The following MALRD1 variants were observed in gnomAD, a reference collection of about 807,000 sequenced individuals.
MALRD1 encodes the protein MAM and LDL receptor class A domain containing 1.
In MALRD1, 247 loss-of-function variants were observed where a neutral mutation model predicts 242.1. The observed-to-expected ratio is 1.02, with a 90% confidence interval of 0.92 to 1.13. The LOEUF is 1.13. Ranked by LOEUF, MALRD1 falls within the 50% of genes most tolerant of loss-of-function variation. The pLI is 0.00. For synonymous variants in MALRD1, 995 were observed against 866.6 expected (o/e 1.15, Z -2.60); for missense variants, 2,989 against 2,533.1 (o/e 1.18, Z -3.86).
At chr10:19,466,934 A>G (rs867324508) in intron 29 of MALRD1, among the ~76,000 whole-genome samples, 2 of 152,134 alleles carry the variant, frequency 1.3e-5, no homozygotes, top group Admixed American at 1.3e-4. Flanking sequence ...CTTTTGAAGC[A>G]TTACCAATTT....
intron 38 of MALRD1, among the ~76,000 whole-genome samples, chr10:19,713,025 T>C (rs2131878597): frequency 7.6e-6 from 1 of 132,368 alleles, no homozygotes; most frequent in African/African-American, 3.0e-5. Context: ...TAAAAATAAT[T>C]CTTAGAAACC....
At position 19,175,251 on chromosome 10, in the gene MALRD1, C is replaced by A. The variant is rs1311630011; in HGVS notation, c.1874C>A (p.Ala625Asp). The A allele has an allele frequency of 3.7e-5, 46 of 1,230,216 alleles. 1 individual carries two copies. Among genetic ancestry groups the A allele is most frequent in the Non-Finnish European group, 4.5e-5 (44 of 987,144 alleles). 76.2% of individuals were successfully genotyped at this position (1,230,216 alleles called of 1,614,324 possible). A position where few individuals can be genotyped will look rare whatever the true frequency, so the allele number is the denominator to read the frequency against. ...GTTTTGTCGTCAAATGCTACCGTTG[C>A]TCTAGATGACATCAGTGTGTCCCAG... ...ATVLSSNATVALDDISVSQEC... is the reference protein window; with the variant it reads ...ATVLSSNATVDLDDISVSQEC... The change falls in exon 14 of 40, where the codon GCT (alanine) becomes GAT (aspartate). Residue 625 changes from alanine to aspartate, a missense_variant. Ala to Asp is a moderately radical substitution (Grantham distance 126, BLOSUM62 -2). Transcript: ENST00000454679.
chr10:19,571,733 C>T (rs1460227719), intron 33 of MALRD1, among the ~76,000 whole-genome samples: 3 of 151,928 alleles, frequency 2.0e-5, no homozygotes, highest in Non-Finnish European at 4.4e-5. Flanking sequence ...ATACTTCAGC[C>T]CTTAGGAAAT....
At chr10:19,533,601 AG>A (rs1265234332) in intron 32 of MALRD1, among the ~76,000 whole-genome samples, 1 of 152,192 alleles carries the variant, frequency 6.6e-6, no homozygotes, top group Non-Finnish European at 1.5e-5. Flanking sequence ...GAAGCATTCA[AG>A]TATGGCGGAA....
chr10:19,595,098 A>G, intron 33 of MALRD1, 96 bp from the exon 34 acceptor site: 3 of 1,245,748 alleles, frequency 2.4e-6, no homozygotes, highest in Non-Finnish European at 3.3e-6. Flanking sequence ...AATAAAATTC[A>G]TTTTATACAA....
intron 31 of MALRD1, among the ~76,000 whole-genome samples, chr10:19,530,421 A>AAATATATAATATATAATATAT (rs1285830239): frequency 1.0e-4 from 2 of 19,512 alleles, no homozygotes; most frequent in African/African-American, 3.0e-4. Context: ...ATATAATAAT[A>AAATATATAATATATAATATAT]AATATATAAT....
At chr10:19,148,229 T>C (rs557066320) in intron 11 of MALRD1, among the ~76,000 whole-genome samples, 1 of 151,802 alleles carries the variant, frequency 6.6e-6, no homozygotes. Flanking sequence ...AGGGAAGCTG[T>C]GCGGGCAGTG....
chr10:19,526,946 G>A (rs566569871), intron 31 of MALRD1, among the ~76,000 whole-genome samples: 113 of 152,250 alleles, frequency 7.4e-4, no homozygotes, highest in African/African-American at 2.6e-3. Context: ...AGGAAAGAAG[G>A]TGATGTTCAG....
chr10:19,150,016 TC>T (rs1310059702), intron 11 of MALRD1, among the ~76,000 whole-genome samples: 1 of 152,186 alleles, frequency 6.6e-6, no homozygotes, highest in Admixed American at 6.5e-5. Context: ...CAGCCACAAT[TC>T]CTTCCTTTTT....
intron 9 of MALRD1, 48 bp from the exon 10 acceptor site, chr10:19,136,526 T>G: frequency 9.1e-7 from 1 of 1,093,328 alleles, no homozygotes. Flanking sequence ...GTTTTTTGTC[T>G]TATTAAGGAG....
chr10:19,650,178 C>T (rs918622107), intron 36 of MALRD1, among the ~76,000 whole-genome samples: 2 of 152,056 alleles, frequency 1.3e-5, no homozygotes, highest in African/African-American at 4.8e-5. Flanking sequence ...TTACAGATGG[C>T]AGAATAAAGA....
intron 28 of MALRD1, among the ~76,000 whole-genome samples, chr10:19,431,281 G>A (rs1834116879): frequency 6.6e-6 from 1 of 152,060 alleles, no homozygotes; most frequent in East Asian, 1.9e-4. Context: ...TGTTGTTTTA[G>A]CGTAAGGTTC....
At chr10:19,535,271 A>G (rs1193385940) in intron 32 of MALRD1, among the ~76,000 whole-genome samples, 4 of 152,146 alleles carry the variant, frequency 2.6e-5, no homozygotes, top group African/African-American at 9.7e-5. Context: ...AATATAGTAC[A>G]TTCGGTCATA....
intron 34 of MALRD1, among the ~76,000 whole-genome samples, chr10:19,603,271 G>C (rs192959226): frequency 3.6e-4 from 55 of 152,270 alleles, no homozygotes; most frequent in Admixed American, 1.6e-3. Flanking sequence ...CCTTGCCCAT[G>C]CCTATGTTCT....
chr10:19,683,861 T>C (rs557516433), intron 36 of MALRD1, among the ~76,000 whole-genome samples: 1 of 152,286 alleles, frequency 6.6e-6, no homozygotes, highest in Non-Finnish European at 1.5e-5. Flanking sequence ...GCTGCACATA[T>C]CAACCCATCA....
intron 4 of MALRD1, among the ~76,000 whole-genome samples, chr10:19,099,465 G>A (rs1455502008): frequency 6.6e-6 from 1 of 151,982 alleles, no homozygotes; most frequent in African/African-American, 2.4e-5. Flanking sequence ...AAAATGTTTG[G>A]GGTGAAAGGA....
intron 1 of MALRD1, among the ~76,000 whole-genome samples, chr10:19,052,688 G>A (rs1352994049): frequency 6.6e-6 from 1 of 151,124 alleles, no homozygotes; most frequent in Admixed American, 6.6e-5. Flanking sequence ...CTGGGTGTGT[G>A]GGGTGCTTTG....
chr10:19,370,579 T>G (rs764539544), intron 26 of MALRD1, among the ~76,000 whole-genome samples: 8 of 152,172 alleles, frequency 5.3e-5, no homozygotes, highest in Non-Finnish European at 8.8e-5. Context: ...TATTGTTTTG[T>G]TTTGTTTTGT....
chr10:19,456,073 G>C lies in MALRD1; in HGVS notation c.5029+5583G>C, dbSNP rs74869074. ...GAATATCTAGAAAATTCAATTGAAT[G>C]ATGACCAGTTTTCAGTTCAAGGAAA... On this transcript the variant is annotated intron_variant, in intron 29 of 39. Transcript: ENST00000454679. Among the ~76,000 whole-genome samples, 587 of 152,250 alleles carry C rather than the reference G, an allele frequency of 3.9e-3. 5 individuals are homozygous for C. The highest frequency in any genetic ancestry group is 0.014 in the African/African-American group (567 of 41,516).
Sources: allele counts gnomAD v4.1 joint callset (sites outside exome capture counted in the v4.1 genomes callset), GRCh38; gene constraint gnomAD v4.1.1; transcripts MANE v1.5; gene names NCBI Gene and HGNC (gene_info 2026-07-23, HGNC 2026-07-21).